TAFA2: variants seen among roughly 807,000 people sequenced by gnomAD.
TAFA2 encodes chemokine-like protein TAFA-2.
Under a neutral mutation model 18.8 loss-of-function variants are expected in TAFA2, and 7 were observed. The ratio of observed to expected loss-of-function variants is 0.37; its 90% CI spans 0.21 to 0.70. The LOEUF is 0.70. Among genes scored for constraint, TAFA2 ranks in the 30% least tolerant of loss-of-function variants. The probability of loss-of-function intolerance (pLI) is 0.53; values close to 1 mark genes in which losing one functional copy is unlikely to be tolerated. For synonymous variants in TAFA2, 60 were observed against 54.2 expected, an observed-to-expected ratio of 1.11 and a Z score of -0.47; for missense variants, 122 against 158.1, an observed-to-expected ratio of 0.77 and a Z score of 1.23.
rs1213877492 is a variant in TAFA2, at chr12:62,191,099, C to G, written c.-2+160G>C. Among the ~76,000 whole-genome samples the G allele has an allele frequency of 2.6e-5, 4 of 152,126 alleles. No homozygotes were observed. The East Asian group carries it at 7.7e-4, about 29-fold the overall frequency. On this transcript the variant is annotated intron_variant, in intron 1 of 4. Transcript: ENST00000416284. ...GCCGGCCGATGGACCCGCATCTGCC[C>G]TCACCTCTCGCCTTCCCCGGGCGAT...
At chr12:61,909,806 G>T (rs1336471269) in intron 1 of TAFA2, among the ~76,000 whole-genome samples, 2 of 152,144 alleles carry the variant, frequency 1.3e-5, no homozygotes, top group Admixed American at 6.5e-5. Context: ...TTTTAGTAGG[G>T]TTTTAAAGAG....
intron 1 of TAFA2, among the ~76,000 whole-genome samples, chr12:62,000,004 AAAATT>A (rs1880327487): frequency 6.6e-6 from 1 of 152,212 alleles, no homozygotes; most frequent in Non-Finnish European, 1.5e-5. Flanking sequence ...AAACAAATGA[AAAATT>A]AATATGATTT....
chr12:62,204,134 C>T (rs1255304601), intron 1 of TAFA2, among the ~76,000 whole-genome samples: 1 of 148,960 alleles, frequency 6.7e-6, no homozygotes, highest in Non-Finnish European at 1.5e-5. Context: ...GTTGGAAATT[C>T]TTTTTTTTTT....
At chr12:61,983,970 C>A (rs1879730097) in intron 1 of TAFA2, among the ~76,000 whole-genome samples, 2 of 152,114 alleles carry the variant, frequency 1.3e-5, no homozygotes, top group African/African-American at 2.4e-5. Flanking sequence ...TCACCTCATC[C>A]CTGGCCTTGT....
At chr12:62,017,916 C>A (rs1181153399) in intron 1 of TAFA2, among the ~76,000 whole-genome samples, 1 of 152,108 alleles carries the variant, frequency 6.6e-6, no homozygotes, top group East Asian at 1.9e-4. Flanking sequence ...TGAGTGGAAA[C>A]AAATGATCAA....
intron 2 of TAFA2, among the ~76,000 whole-genome samples, chr12:61,845,840 A>T (rs1025678302): frequency 5.9e-5 from 9 of 152,204 alleles, no homozygotes; most frequent in African/African-American, 2.2e-4. Context: ...CTACAAGAAT[A>T]TAAAGTGTCC....
At chr12:62,053,583 T>G (rs1436403470) in intron 1 of TAFA2, among the ~76,000 whole-genome samples, 1 of 152,246 alleles carries the variant, frequency 6.6e-6, no homozygotes, top group Non-Finnish European at 1.5e-5. Context: ...AAACTTATTT[T>G]AGCCAAAAAT....
intron 1 of TAFA2, among the ~76,000 whole-genome samples, chr12:62,144,313 G>A (rs975343788): frequency 3.9e-5 from 6 of 152,124 alleles, no homozygotes; most frequent in African/African-American, 1.4e-4. Flanking sequence ...AAAGCAGAAA[G>A]TGGCCTGCCT....
At chr12:62,131,142 A>G (rs10877799) in intron 1 of TAFA2, among the ~76,000 whole-genome samples, 25,908 of 151,864 alleles carry the variant, frequency 0.17, 2,528 homozygotes, top group East Asian at 0.34. Context: ...CAATGCAAAA[A>G]CATACATGGC....
chr12:61,880,091 G>C, intron 1 of TAFA2: 2 of 640,462 alleles, frequency 3.1e-6, no homozygotes, highest in Admixed American at 2.2e-5. Flanking sequence ...CCTGGACATG[G>C]ACAACATCAT....
chr12:61,879,216 T>TC (rs1874999429), intron 1 of TAFA2: 1 of 357,316 alleles, frequency 2.8e-6, no homozygotes. Context: ...GGCCCAAAGT[T>TC]CTTTCCATTA....
At chr12:61,842,857 A>G (rs1396369945) in intron 2 of TAFA2, among the ~76,000 whole-genome samples, 1 of 152,136 alleles carries the variant, frequency 6.6e-6, no homozygotes, top group Non-Finnish European at 1.5e-5. Flanking sequence ...TAGTAGGGCA[A>G]TCAAATCCTC....
chr12:61,968,815 T>A (rs573436415), intron 1 of TAFA2, among the ~76,000 whole-genome samples: 1 of 151,830 alleles, frequency 6.6e-6, no homozygotes, highest in East Asian at 2.0e-4. Context: ...CATGACTCTA[T>A]GAACTCTTAC....
At chr12:61,832,628 C>T (rs1345589210) in intron 2 of TAFA2, among the ~76,000 whole-genome samples, 2 of 152,084 alleles carry the variant, frequency 1.3e-5, no homozygotes, top group Non-Finnish European at 2.9e-5. Flanking sequence ...AGGAATGTTA[C>T]ACCAGAACAT....
intron 1 of TAFA2, among the ~76,000 whole-genome samples, chr12:62,159,412 G>A (rs1454627913): frequency 6.6e-6 from 1 of 152,128 alleles, no homozygotes; most frequent in African/African-American, 2.4e-5. Context: ...AAATTCTTAA[G>A]TATCTTGTAA....
intron 1 of TAFA2, among the ~76,000 whole-genome samples, chr12:62,157,507 A>G (rs1375362794): frequency 6.6e-6 from 1 of 152,184 alleles, no homozygotes; most frequent in Non-Finnish European, 1.5e-5. Context: ...CCTTATCTTC[A>G]CCTACAGCTC....
chr12:62,018,414 A>C (rs1881009881), intron 1 of TAFA2, among the ~76,000 whole-genome samples: 1 of 152,198 alleles, frequency 6.6e-6, no homozygotes, highest in Non-Finnish European at 1.5e-5. Context: ...GCTTAAAGAC[A>C]GTATTTTTTT....
intron 1 of TAFA2, among the ~76,000 whole-genome samples, chr12:62,046,036 C>G (rs1036185061): frequency 1.3e-5 from 2 of 152,108 alleles, no homozygotes; most frequent in Non-Finnish European, 2.9e-5. Flanking sequence ...AGGAGGAAAA[C>G]TAGCTAGAGA....
intron 2 of TAFA2, among the ~76,000 whole-genome samples, chr12:61,861,452 G>A (rs2884860): frequency 0.28 from 42,331 of 151,380 alleles, 6,494 homozygotes; most frequent in South Asian, 0.4. Flanking sequence ...ATGGGCTCTC[G>A]CTTTGTTGTC....
Sources: gnomAD v4.1 joint callset for allele counts (sites outside exome capture counted in the v4.1 genomes callset) on GRCh38, gnomAD v4.1.1 for gene constraint, MANE v1.5 for transcripts, NCBI Gene and HGNC (gene_info 2026-07-23, HGNC 2026-07-21) for gene names.